Variants in MDFIC2 observed in about 807,000 individuals in gnomAD.
MDFIC2 encodes the protein MyoD family inhibitor domain containing 2, also known as myoD family inhibitor domain-containing protein 2.
At chr3:70,302,029 CAAG>C (rs766356720) in intron 2 of MDFIC2, among the ~76,000 whole-genome samples, 9 of 152,072 alleles carry the variant, frequency 5.9e-5, no homozygotes, top group East Asian at 5.8e-4. Context: ...AAATTTAGCT[CAAG>C]AAGAAGAATT....
At chr3:70,281,989 C>T (rs1702088989) in intron 2 of MDFIC2, among the ~76,000 whole-genome samples, 1 of 152,116 alleles carries the variant, frequency 6.6e-6, no homozygotes, top group South Asian at 2.1e-4. Flanking sequence ...GATGGAAGTC[C>T]ACCTGGACAG....
intron 2 of MDFIC2, among the ~76,000 whole-genome samples, chr3:70,214,659 C>A (rs933415146): frequency 6.6e-6 from 1 of 150,744 alleles, no homozygotes; most frequent in Non-Finnish European, 1.5e-5. Flanking sequence ...GTTTTCTGCC[C>A]GCCACTATAC....
chr3:70,262,828 T>C (rs1194515098), intron 2 of MDFIC2, among the ~76,000 whole-genome samples: 1 of 152,186 alleles, frequency 6.6e-6, no homozygotes, highest in South Asian at 2.1e-4. Context: ...TTCAAAACTA[T>C]GTTAGATGAC....
intron 3 of MDFIC2, chr3:70,205,083 C>T (rs1190895944): frequency 6.6e-6 from 1 of 151,912 alleles, no homozygotes; most frequent in Non-Finnish European, 1.5e-5. Context: ...CAAAGTTGGC[C>T]CAACGATGTG....
chr3:70,303,105 G>C (rs1362360948), intron 2 of MDFIC2, among the ~76,000 whole-genome samples: 1 of 152,140 alleles, frequency 6.6e-6, no homozygotes, highest in Non-Finnish European at 1.5e-5. Context: ...GAAACATTCA[G>C]TGCTTCATCA....
At chr3:70,290,010 C>G (rs1702215318) in intron 2 of MDFIC2, among the ~76,000 whole-genome samples, 1 of 152,108 alleles carries the variant, frequency 6.6e-6, no homozygotes, top group South Asian at 2.1e-4. Flanking sequence ...TTTGAATGTC[C>G]TCCCGTAGCT....
chr3:70,221,812 A>G, intron 2 of MDFIC2, among the ~76,000 whole-genome samples: 1 of 152,062 alleles, frequency 6.6e-6, no homozygotes, highest in Non-Finnish European at 1.5e-5. Context: ...TGCCATTTAC[A>G]GGACATTGCT....
intron 2 of MDFIC2, among the ~76,000 whole-genome samples, chr3:70,258,907 C>A (rs1318399714): frequency 1.3e-5 from 2 of 151,730 alleles, no homozygotes; most frequent in African/African-American, 4.8e-5. Context: ...TCTTCAATTT[C>A]TTTAATTTTT....
chr3:70,216,731 C>T (rs767975523), intron 2 of MDFIC2, among the ~76,000 whole-genome samples: 27 of 152,140 alleles, frequency 1.8e-4, no homozygotes, highest in Admixed American at 4.6e-4. Flanking sequence ...CTGGGTGAGG[C>T]AGGCCTTCCC....
At chr3:70,223,309 T>C (rs1409392869) in intron 2 of MDFIC2, among the ~76,000 whole-genome samples, 1 of 152,144 alleles carries the variant, frequency 6.6e-6, no homozygotes, top group Non-Finnish European at 1.5e-5. Context: ...ACTCACTTTT[T>C]TTTCTGACTC....
chr3:70,226,637 C>T (rs1294089368), intron 2 of MDFIC2, among the ~76,000 whole-genome samples: 1 of 150,638 alleles, frequency 6.6e-6, no homozygotes, highest in African/African-American at 2.4e-5. Context: ...TCTCGGGAGG[C>T]TGAGGCAGGA....
intron 2 of MDFIC2, among the ~76,000 whole-genome samples, chr3:70,305,916 G>T (rs1702395396): frequency 6.6e-6 from 1 of 152,108 alleles, no homozygotes; most frequent in Non-Finnish European, 1.5e-5. Context: ...TTGGAACCTG[G>T]ATTTTTTTGG....
chr3:70,233,079 A>G (rs116763720), intron 2 of MDFIC2, among the ~76,000 whole-genome samples: 3 of 152,214 alleles, frequency 2.0e-5, no homozygotes, highest in African/African-American at 7.2e-5. Context: ...GTCTCAGCTA[A>G]TTGGGAGGCT....
intron 2 of MDFIC2, among the ~76,000 whole-genome samples, chr3:70,234,391 G>A (rs1190786689): frequency 2.6e-5 from 4 of 152,180 alleles, no homozygotes; most frequent in Non-Finnish European, 4.4e-5. Flanking sequence ...GCTCATGCCT[G>A]TAATCCTAGC....
chr3:70,199,512 G>T (rs1369803995), intron 3 of MDFIC2, among the ~76,000 whole-genome samples: 2 of 152,038 alleles, frequency 1.3e-5, no homozygotes, highest in African/African-American at 4.8e-5. Flanking sequence ...GGTTTTAAAA[G>T]GCAGAGTCTC....
chr3:70,195,908 A>C lies in MDFIC2; in HGVS notation c.*1018T>G, dbSNP rs950559108. ...CTATATCACATCTTTTTCTTAAAAA[A>C]ATAAGTAAAATAAGTACTTGACATA... On this transcript the variant is annotated 3_prime_UTR_variant, in exon 4 of 4. Coordinates refer to ENST00000567252, the MANE Select transcript of MDFIC2 (RefSeq NM_001364677.1). Among the ~76,000 whole-genome samples, 9 of 152,202 alleles carry C rather than the reference A, an allele frequency of 5.9e-5. No individual in the cohort carries two copies. The highest frequency in any genetic ancestry group is 1.5e-5 in the Non-Finnish European group (1 of 68,026).
intron 2 of MDFIC2, among the ~76,000 whole-genome samples, chr3:70,219,275 A>G (rs1246203980): frequency 6.6e-6 from 1 of 152,318 alleles, no homozygotes; most frequent in Middle Eastern, 3.4e-3. Context: ...TGAACTGAAT[A>G]ATCCAATCAG....
intron 2 of MDFIC2, among the ~76,000 whole-genome samples, chr3:70,281,458 G>A (rs550087159): frequency 6.6e-6 from 1 of 152,204 alleles, no homozygotes; most frequent in Admixed American, 6.6e-5. Flanking sequence ...TCGTGAACAG[G>A]CCACTTAGTT....
chr3:70,299,067 A>T (rs7633915), intron 2 of MDFIC2, among the ~76,000 whole-genome samples: 31,566 of 152,048 alleles, frequency 0.21, 3,473 homozygotes, highest in South Asian at 0.28. Context: ...TTATAAGGAG[A>T]TACCAAAACA....
Sources: gnomAD v4.1 joint callset for allele counts (sites outside exome capture counted in the v4.1 genomes callset) on GRCh38, gnomAD v4.1.1 for gene constraint, MANE v1.5 for transcripts, NCBI Gene and HGNC (gene_info 2026-07-23, HGNC 2026-07-21) for gene names.